PCLO: variants seen among roughly 807,000 people sequenced by gnomAD.
The protein encoded by PCLO is protein piccolo.
PCLO carries 82 observed loss-of-function variants against 427.5 expected under a neutral mutation model. That is an observed-to-expected ratio of 0.19 (90% CI 0.16 to 0.23). The LOEUF (loss-of-function observed/expected upper bound fraction) is 0.23. PCLO is among the 10% of genes least tolerant of loss of function. PCLO has a pLI of 1.00. For missense variants in PCLO, 6,239 were observed against 6,115.9 expected (o/e 1.02, Z -0.67); for synonymous variants, 2,357 against 2,155.4 (o/e 1.09, Z -2.59).
chr7:82,956,810 A>T lies in PCLO; in HGVS notation c.4143T>A (p.Ile1381=), dbSNP rs1330029056. ...SSSLGEIPSL[I]PTDEKDILKG... is the part of the protein sequence containing the mutation. ...TGAGAATATCCTTTTCATCAGTTGG[A>T]ATAAGACTTGGAATTTCACCAAGTG... Residue 1381 remains isoleucine, a synonymous_variant, in exon 5 of 25, where the codon ATT becomes ATA. Coordinates refer to ENST00000333891, the MANE Select transcript of PCLO (RefSeq NM_033026.6). 1 of 1,613,762 alleles carries T rather than the reference A, an allele frequency of 6.2e-7. No homozygotes were observed. Among genetic ancestry groups the T allele is most frequent in the South Asian group, 1.1e-5 (1 of 91,076 alleles).
At chr7:83,006,609 A>T (rs1787952224) in intron 3 of PCLO, among the ~76,000 whole-genome samples, 1 of 151,500 alleles carries the variant, frequency 6.6e-6, no homozygotes, top group Non-Finnish European at 1.5e-5. Flanking sequence ...TATTATTTTT[A>T]TTCAACATGC....
intron 10 of PCLO, among the ~76,000 whole-genome samples, chr7:82,874,493 A>C (rs2116012087): frequency 6.6e-6 from 1 of 152,250 alleles, no homozygotes; most frequent in South Asian, 2.1e-4. Flanking sequence ...TGTATTATGA[A>C]TTTCCCAAAT....
chr7:82,837,967 T>C (rs1048696534), intron 15 of PCLO, among the ~76,000 whole-genome samples: 2 of 151,968 alleles, frequency 1.3e-5, no homozygotes, highest in Non-Finnish European at 2.9e-5. Flanking sequence ...GTTTCCAGAA[T>C]TGAAAGGCTG....
At chr7:82,949,242 AATGT>A (rs1795272473) in intron 6 of PCLO, among the ~76,000 whole-genome samples, 1 of 151,336 alleles carries the variant, frequency 6.6e-6, no homozygotes, top group African/African-American at 2.5e-5. Flanking sequence ...TTTTTAAGTG[AATGT>A]ATGGTTTCCT....
rs756300036 is a variant in PCLO, at chr7:82,950,464, G to C, written c.10124C>G (p.Thr3375Ser). 6.2e-7 allele frequency: 1 copy of C among 1,613,726 alleles called. No homozygotes were observed. The highest frequency in any genetic ancestry group is 8.5e-7 in the Non-Finnish European group (1 of 1,179,834). Residue 3375 changes from threonine (T) to serine (S), a missense_variant, in exon 6 of 25, where the codon ACC becomes AGC. Coordinates refer to ENST00000333891, the MANE Select transcript of PCLO (RefSeq NM_033026.6). ...CTGAGTAACACCATCAGACTGAACGGTGTACCATCCTTGGCTTTGTGGTAT... is the reference window on the plus strand; with the variant it reads ...CTGAGTAACACCATCAGACTGAACGCTGTACCATCCTTGGCTTTGTGGTAT... ...IEIPQSQGWY[T>S]VQSDGVTQYI...
chr7:82,977,571 C>G (rs1434571911), intron 3 of PCLO, among the ~76,000 whole-genome samples: 7 of 151,840 alleles, frequency 4.6e-5, no homozygotes. Flanking sequence ...CACCACCACA[C>G]CCAGCTAATT....
chr7:83,095,145 C>A (rs1208273136), intron 3 of PCLO, among the ~76,000 whole-genome samples: 2 of 152,026 alleles, frequency 1.3e-5, no homozygotes, highest in East Asian at 3.8e-4. Context: ...GTAATAGTTG[C>A]AGAACTATTC....
intron 22 of PCLO, among the ~76,000 whole-genome samples, chr7:82,779,243 T>C (rs1461314045): frequency 6.6e-6 from 1 of 152,150 alleles, no homozygotes; most frequent in East Asian, 1.9e-4. Flanking sequence ...GCAGGTGACA[T>C]AGGAAAGATA....
At chr7:83,037,989 T>TCATATATA (rs1788837813) in intron 3 of PCLO, among the ~76,000 whole-genome samples, 1 of 13,586 alleles carries the variant, frequency 7.4e-5, no homozygotes, top group Non-Finnish European at 1.2e-4. Context: ...AAGGAGGAGC[T>TCATATATA]TATATATATA....
chr7:82,758,577 A>G lies in PCLO; in HGVS notation c.15427T>C (p.Ter5143ArgextTer20), dbSNP rs752336002. 5 of 1,608,202 alleles carry G rather than the reference A, an allele frequency of 3.1e-6. No individual in the cohort carries two copies. Among genetic ancestry groups the G allele is most frequent in the Non-Finnish European group, 4.2e-6 (5 of 1,177,376 alleles). ...ATACCCTGAGAAGACATGTTTCTTC[A>G]ATGCGTTTGAGTAGGACTGACCAAA... ...KLLVSPTQTH[*>R] is the part of the protein sequence containing the mutation. Residue 5143 changes from the stop codon to arginine (R), a stop_lost, in exon 25 of 25, where the codon TGA becomes CGA. Transcript: ENST00000333891.
chr7:83,031,664 CA>C (rs1359733832), intron 3 of PCLO, among the ~76,000 whole-genome samples: 1 of 151,850 alleles, frequency 6.6e-6, no homozygotes, highest in African/African-American at 2.4e-5. Context: ...TAAGAATCAC[CA>C]AGTAACTAAA....
At chr7:82,847,549 T>C (rs2887981) in intron 10 of PCLO, among the ~76,000 whole-genome samples, 2,564 of 152,216 alleles carry the variant, frequency 0.017, 84 homozygotes, top group African/African-American at 0.059. Context: ...ATTGAATATA[T>C]ATTGCTCAGA....
At chr7:83,009,797 TACAGA>T (rs1204817751) in intron 3 of PCLO, among the ~76,000 whole-genome samples, 2 of 151,976 alleles carry the variant, frequency 1.3e-5, no homozygotes, top group Non-Finnish European at 2.9e-5. Flanking sequence ...ACCCATTATC[TACAGA>T]TTGCCTATGC....
Position 83,113,415 on chromosome 7 carries a change from C to T in PCLO, c.3300+20835G>A, listed in dbSNP as rs17157199. On this transcript the variant is annotated intron_variant, in intron 3 of 24. Coordinates refer to ENST00000333891, the MANE Select transcript of PCLO (RefSeq NM_033026.6). ...TGTAGATGTATTCTACCTTATAGAC[C>T]TGATTTTATAATGAGAATTTATTTG... is the stretch of plus-strand genomic sequence containing the variant. 2.2e-3 allele frequency among the ~76,000 whole-genome samples: 330 copies of T among 152,108 alleles called. 8 individuals are homozygous for T. In the East Asian group the frequency reaches 0.04, roughly 19 times the overall value.
intron 20 of PCLO, among the ~76,000 whole-genome samples, chr7:82,818,584 C>T (rs1166675556): frequency 6.6e-6 from 1 of 152,118 alleles, no homozygotes; most frequent in African/African-American, 2.4e-5. Flanking sequence ...TAAATAAGTA[C>T]ATGACTGTTC....
chr7:83,064,607 C>G (rs1372634498), intron 3 of PCLO, among the ~76,000 whole-genome samples: 2 of 151,970 alleles, frequency 1.3e-5, no homozygotes, highest in African/African-American at 2.4e-5. Flanking sequence ...ATTATTCCAT[C>G]ACAGTTCTGC....
intron 10 of PCLO, among the ~76,000 whole-genome samples, chr7:82,878,348 T>G (rs370177827): frequency 6.6e-6 from 1 of 152,196 alleles, no homozygotes; most frequent in Non-Finnish European, 1.5e-5. Flanking sequence ...ATTTTTAGCA[T>G]GATTAAAGTT....
chr7:83,064,107 G>A (rs1789605739), intron 3 of PCLO, among the ~76,000 whole-genome samples: 1 of 151,926 alleles, frequency 6.6e-6, no homozygotes, highest in African/African-American at 2.4e-5. Context: ...TTCTGAAAAA[G>A]TTTCCTTTCT....
chr7:82,902,838 A>G, intron 8 of PCLO, 97 bp from the exon 9 acceptor site: 1 of 655,380 alleles, frequency 1.5e-6, no homozygotes, highest in South Asian at 1.7e-5. Context: ...CACATTGATT[A>G]AATCAATGGA....
Sources: gnomAD v4.1 joint callset for allele counts (sites outside exome capture counted in the v4.1 genomes callset) on GRCh38, gnomAD v4.1.1 for gene constraint, MANE v1.5 for transcripts, NCBI Gene and HGNC (gene_info 2026-07-23, HGNC 2026-07-21) for gene names.